DLG2: variants seen among roughly 807,000 people sequenced by gnomAD.
DLG2 encodes discs large MAGUK scaffold protein 2, also known as disks large homolog 2.
Under a neutral mutation model 132.5 loss-of-function variants are expected in DLG2, and 45 were observed. That is an observed-to-expected ratio of 0.34 (90% CI 0.27 to 0.44). The LOEUF (loss-of-function observed/expected upper bound fraction) is 0.44. Ranked by LOEUF, DLG2 falls within the 20% of genes least tolerant of loss-of-function variation. The pLI is 1.00. For missense variants in DLG2, 1,045 were observed against 1,196.9 expected (o/e 0.87, Z 1.87); for synonymous variants, 424 against 419.6 (o/e 1.01, Z -0.13).
At chr11:84,743,839 C>T (rs1191362233) in intron 6 of DLG2, among the ~76,000 whole-genome samples, 1 of 152,102 alleles carries the variant, frequency 6.6e-6, no homozygotes, top group Non-Finnish European at 1.5e-5. Context: ...ATTCTCCTTC[C>T]TCAGCCTCCT....
chr11:84,502,160 T>TTCTC (rs1555630647), intron 7 of DLG2, among the ~76,000 whole-genome samples: 2 of 41,268 alleles, frequency 4.8e-5, no homozygotes, highest in African/African-American at 2.7e-4. Flanking sequence ...CTTCCTTCCT[T>TTCTC]TCTCTCTCTC....
chr11:85,111,785 T>C, intron 5 of DLG2, 50 bp from the exon 6 acceptor site: 1 of 1,342,412 alleles, frequency 7.4e-7, no homozygotes, highest in South Asian at 1.3e-5. Flanking sequence ...TGGGCCAGTA[T>C]GTATATATGC....
intron 6 of DLG2, among the ~76,000 whole-genome samples, chr11:84,585,760 T>A (rs1389262662): frequency 6.6e-6 from 1 of 152,274 alleles, no homozygotes; most frequent in Non-Finnish European, 1.5e-5. Context: ...GTTTTATTTG[T>A]ATTTTACATG....
intron 3 of DLG2, among the ~76,000 whole-genome samples, chr11:85,448,386 G>C (rs1297209652): frequency 1.3e-5 from 2 of 152,062 alleles, no homozygotes; most frequent in Non-Finnish European, 2.9e-5. Flanking sequence ...GATTTGGGGT[G>C]AGAAAGTAAA....
chr11:85,522,768 T>G (rs929441856), intron 3 of DLG2, among the ~76,000 whole-genome samples: 1 of 152,138 alleles, frequency 6.6e-6, no homozygotes, highest in African/African-American at 2.4e-5. Context: ...TTTTGGCCAA[T>G]TTTCCCATTC....
chr11:84,262,188 G>C (rs1264879497), intron 7 of DLG2, among the ~76,000 whole-genome samples: 1 of 152,094 alleles, frequency 6.6e-6, no homozygotes. Flanking sequence ...CTAATAACCA[G>C]ATGGAGCCAA....
At chr11:84,803,411 G>C (rs2061947651) in intron 6 of DLG2, among the ~76,000 whole-genome samples, 1 of 152,104 alleles carries the variant, frequency 6.6e-6, no homozygotes, top group African/African-American at 2.4e-5. Flanking sequence ...TTAAACACTA[G>C]AAAAATTAAT....
chr11:85,544,885 T>C (rs1299797243), intron 3 of DLG2, among the ~76,000 whole-genome samples: 1 of 152,184 alleles, frequency 6.6e-6, no homozygotes, highest in African/African-American at 2.4e-5. Flanking sequence ...TAAGGAGACT[T>C]TGGGGTGAGA....
At position 84,473,454 on chromosome 11, in the gene DLG2, C is replaced by A. The variant is rs562241989; in HGVS notation, c.519+61116G>T. Among the ~76,000 whole-genome samples the A allele has an allele frequency of 5.3e-5, 8 of 152,142 alleles. No homozygotes were observed. In the South Asian group the frequency reaches 1.7e-3, roughly 31 times the overall value. On this transcript the variant is annotated intron_variant, in intron 7 of 27. Coordinates refer to ENST00000376104, the MANE Select transcript of DLG2 (RefSeq NM_001142699.3). ...TCCTGGAGAAGGCAGATTATCCTAA[C>A]AGAGACTAAGTGTATGCTCTAAACT...
intron 19 of DLG2, among the ~76,000 whole-genome samples, chr11:83,610,268 A>G (rs188945095): frequency 1.3e-5 from 2 of 152,308 alleles, no homozygotes; most frequent in East Asian, 1.9e-4. Flanking sequence ...CGTGAAAAAC[A>G]TCTAAAAGCC....
At chr11:84,455,070 TAAAG>T (rs759356905) in intron 7 of DLG2, among the ~76,000 whole-genome samples, 2 of 151,390 alleles carry the variant, frequency 1.3e-5, no homozygotes, top group Non-Finnish European at 3.0e-5. Context: ...GACTTCATAA[TAAAG>T]AAATATAAAA....
chr11:84,114,897 T>C (rs2093559291), intron 9 of DLG2, among the ~76,000 whole-genome samples: 1 of 151,210 alleles, frequency 6.6e-6, no homozygotes, highest in African/African-American at 2.4e-5. Flanking sequence ...CTCGAACTCC[T>C]GAGCTCAAGC....
At chr11:84,923,144 CG>C in intron 6 of DLG2, 1 of 1,613,436 alleles carries the variant, frequency 6.2e-7, no homozygotes, top group Non-Finnish European at 8.5e-7. Flanking sequence ...GCATATGGAC[CG>C]GTATTCAGCT....
chr11:83,559,976 C>A (rs1020558385), intron 19 of DLG2, among the ~76,000 whole-genome samples: 1 of 152,112 alleles, frequency 6.6e-6, no homozygotes, highest in Non-Finnish European at 1.5e-5. Flanking sequence ...AAAGTAACTT[C>A]TTGTGTAAGT....
Position 84,271,521 on chromosome 11 carries a change from A to T in DLG2, c.520-20230T>A, listed in dbSNP as rs573194454. Among the ~76,000 whole-genome samples the T allele has an allele frequency of 6.1e-4, 93 of 152,332 alleles. 1 individual carries two copies. The South Asian group carries it at 0.018, about 29-fold the overall frequency. On this transcript the variant is annotated intron_variant, in intron 7 of 27. Coordinates refer to ENST00000376104, the MANE Select transcript of DLG2 (RefSeq NM_001142699.3). Reference sequence around the variant, plus strand: ...GATGGACTTTAATAGAAATAATTTTATGAGATCAGTAAAGACAAAGCTAAT... The same window carrying T: ...GATGGACTTTAATAGAAATAATTTTTTGAGATCAGTAAAGACAAAGCTAAT...
chr11:83,648,185 A>C (rs898725245), intron 18 of DLG2: 1 of 152,172 alleles, frequency 6.6e-6, no homozygotes, highest in African/African-American at 2.4e-5. Flanking sequence ...GAAAATAGAC[A>C]GTAAGTTTGT....
At position 83,633,340 on chromosome 11, in the gene DLG2, A is replaced by G. The variant is rs755894468; in HGVS notation, c.1826-15T>C. The stretch of plus-strand genomic sequence containing the variant: ...TCGAGCGTAATCTGGGAATGAAAAC[A>G]AAGGTAGCAAATTTTGCTCTGTGCC... On this transcript the variant is annotated splice_polypyrimidine_tract_variant and intron_variant, in intron 18 of 27. Transcript: ENST00000376104. The G allele has an allele frequency of 1.9e-6, 3 of 1,609,220 alleles. No homozygotes were observed. Among genetic ancestry groups the G allele is most frequent in the African/African-American group, 2.7e-5 (2 of 74,800 alleles).
chr11:83,609,197 C>G (rs2059764602), intron 19 of DLG2, among the ~76,000 whole-genome samples: 1 of 152,156 alleles, frequency 6.6e-6, no homozygotes, highest in African/African-American at 2.4e-5. Flanking sequence ...AAATGGCCTA[C>G]AAATTGAAAT....
chr11:84,869,659 C>A (rs531072985), intron 6 of DLG2, among the ~76,000 whole-genome samples: 2 of 152,038 alleles, frequency 1.3e-5, no homozygotes, highest in African/African-American at 4.8e-5. Context: ...TAAGAGAAAC[C>A]CTACAATAAA....
Sources: gnomAD v4.1 joint callset for allele counts (sites outside exome capture counted in the v4.1 genomes callset) on GRCh38, gnomAD v4.1.1 for gene constraint, MANE v1.5 for transcripts, NCBI Gene and HGNC (gene_info 2026-07-23, HGNC 2026-07-21) for gene names.